The following METAP1 variants were observed in gnomAD, a reference collection of about 807,000 sequenced individuals.
METAP1 encodes methionine aminopeptidase 1.
In METAP1, 28 loss-of-function variants were observed where a neutral mutation model predicts 53.8. The ratio of observed to expected loss-of-function variants is 0.52; its 90% CI spans 0.39 to 0.71. The LOEUF (loss-of-function observed/expected upper bound fraction) is 0.71. Ranked by LOEUF, METAP1 falls within the 30% of genes least tolerant of loss-of-function variation. The pLI, the probability that METAP1 is intolerant of heterozygous loss-of-function variation, is 0.00. For synonymous variants in METAP1, 181 were observed against 165.7 expected (o/e 1.09, Z -0.71); for missense variants, 389 against 479.8 (o/e 0.81, Z 1.77).
At chr4:99,017,273 C>T (rs772373861) in intron 1 of METAP1, among the ~76,000 whole-genome samples, 1 of 152,234 alleles carries the variant, frequency 6.6e-6, no homozygotes, top group Admixed American at 6.5e-5. Flanking sequence ...AATGTATGCG[C>T]TACCCCAAAA....
At chr4:99,031,101 G>GTTTTTTTTT (rs56082818) in intron 2 of METAP1, among the ~76,000 whole-genome samples, 48 of 109,886 alleles carry the variant, frequency 4.4e-4, no homozygotes, top group East Asian at 3.1e-3. Context: ...CTCAAAGGTA[G>GTTTTTTTTT]TTTTTTTTTT....
intron 4 of METAP1, chr4:99,039,068 A>G (rs1204045937): frequency 1.6e-5 from 3 of 193,300 alleles, no homozygotes; most frequent in Non-Finnish European, 3.1e-5. Context: ...TTTCAAATGT[A>G]TATCATTTAC....
chr4:99,007,316 A>T (rs1481221584), intron 1 of METAP1, among the ~76,000 whole-genome samples: 3 of 152,184 alleles, frequency 2.0e-5, no homozygotes, highest in Non-Finnish European at 4.4e-5. Flanking sequence ...TCATCACATC[A>T]GGAGGCACAG....
chr4:99,022,824 C>T (rs1560706159), intron 1 of METAP1: 3 of 1,584,124 alleles, frequency 1.9e-6, no homozygotes, highest in East Asian at 2.3e-5. Context: ...TCTGTGTAGT[C>T]CTTGCTGTGG....
At chr4:99,057,239 T>C (rs1319186532) in intron 9 of METAP1, among the ~76,000 whole-genome samples, 1 of 152,246 alleles carries the variant, frequency 6.6e-6, no homozygotes, top group African/African-American at 2.4e-5. Context: ...CACAACAGCT[T>C]ATGAAACATT....
In METAP1 at chr4:99,043,401, G is replaced by C; in HGVS notation, c.655+14G>C. ...ACATTGTTAATGGTAAGAAAAATAT[G>C]TTACTTTCATCACCATGGGCAAAGA... On this transcript the variant is annotated intron_variant, in intron 7 of 10. Coordinates refer to ENST00000296411, the MANE Select transcript of METAP1 (RefSeq NM_015143.3). 1 of 1,573,542 alleles carries C rather than the reference G, an allele frequency of 6.4e-7. No homozygotes were observed. Among genetic ancestry groups the C allele is most frequent in the South Asian group, 1.2e-5 (1 of 84,912 alleles).
At chr4:99,060,178 A>G (rs113065003) in intron 10 of METAP1, among the ~76,000 whole-genome samples, 225 of 152,170 alleles carry the variant, frequency 1.5e-3, no homozygotes, top group African/African-American at 5.0e-3. Flanking sequence ...AACGTTGTGC[A>G]CCCATTACCA....
chr4:99,020,394 A>T (rs1024300080), intron 1 of METAP1, among the ~76,000 whole-genome samples: 4 of 152,178 alleles, frequency 2.6e-5, no homozygotes, highest in African/African-American at 9.7e-5. Flanking sequence ...AGCGCAGGGA[A>T]AGGGAAAATT....
At chr4:99,005,017 T>A (rs1350448112) in intron 1 of METAP1, among the ~76,000 whole-genome samples, 1 of 152,200 alleles carries the variant, frequency 6.6e-6, no homozygotes, top group East Asian at 1.9e-4. Flanking sequence ...TTTGTAAAAA[T>A]TTCTCTTGGG....
At chr4:99,003,264 T>C (rs1323515521) in intron 1 of METAP1, among the ~76,000 whole-genome samples, 1 of 152,114 alleles carries the variant, frequency 6.6e-6, no homozygotes, top group Non-Finnish European at 1.5e-5. Flanking sequence ...GAGACTTCTC[T>C]GTGTTTTGAA....
intron 1 of METAP1, among the ~76,000 whole-genome samples, chr4:99,004,412 T>A (rs1421889726): frequency 6.7e-6 from 1 of 148,382 alleles, no homozygotes; most frequent in Non-Finnish European, 1.5e-5. Context: ...GCAACAAGGC[T>A]AGGGGAGTTA....
intron 1 of METAP1, among the ~76,000 whole-genome samples, chr4:99,000,959 A>G (rs62323240): frequency 0.022 from 3,333 of 152,128 alleles, 47 homozygotes; most frequent in Non-Finnish European, 0.035. Context: ...CAGCCTCCCA[A>G]AGTGTTGTCT....
intron 5 of METAP1, among the ~76,000 whole-genome samples, chr4:99,040,595 A>G (rs1036645038): frequency 6.7e-6 from 1 of 150,044 alleles, no homozygotes; most frequent in Non-Finnish European, 1.5e-5. Context: ...GGCTCAAGCT[A>G]TCCTTCCACC....
chr4:99,054,381 CCT>C (rs748262328), intron 9 of METAP1, among the ~76,000 whole-genome samples: 17 of 152,188 alleles, frequency 1.1e-4, no homozygotes, highest in Admixed American at 2.0e-4. Context: ...AGCTTTGTCA[CCT>C]CTCTCAGCCT....
At position 99,045,211 on chromosome 4, in the gene METAP1, G is replaced by A; in HGVS notation, c.688G>A (p.Gly230Arg). Reference protein sequence around the residue: ...DITLYRNGYHGDLNETFFVGE... With the variant: ...DITLYRNGYHRDLNETFFVGE... ...CACTCTTTATCGCAATGGTTATCAT[G>A]GGGACCTGAATGAGACATTTTTTGT... Residue 230 changes from glycine (G) to arginine (R), a missense_variant, in exon 8 of 11, where the codon GGG (glycine) becomes AGG (arginine). Physicochemically the swap from Gly to Arg is moderately radical, Grantham distance 125. Transcript: ENST00000296411. The A allele has an allele frequency of 6.2e-7, 1 of 1,613,528 alleles. No homozygotes were observed. The highest frequency in any genetic ancestry group is 8.5e-7 in the Non-Finnish European group (1 of 1,179,592).
chr4:99,033,844 G>C (rs930229209), intron 2 of METAP1, among the ~76,000 whole-genome samples: 3 of 152,144 alleles, frequency 2.0e-5, no homozygotes, highest in African/African-American at 4.8e-5. Context: ...CCTCAGTTGG[G>C]TAGGTTTTAC....
At chr4:98,998,355 T>A (rs1177948216) in intron 1 of METAP1, among the ~76,000 whole-genome samples, 1 of 152,170 alleles carries the variant, frequency 6.6e-6, no homozygotes, top group East Asian at 1.9e-4. Flanking sequence ...AAACCCTGTC[T>A]CTACTAAAAA....
At chr4:99,015,068 C>T (rs745572964) in intron 1 of METAP1, among the ~76,000 whole-genome samples, 16 of 152,170 alleles carry the variant, frequency 1.1e-4, no homozygotes, top group Non-Finnish European at 1.9e-4. Flanking sequence ...CCAAATCCGT[C>T]GCATGTGAAG....
chr4:99,022,079 C>T (rs1724148718), intron 1 of METAP1, among the ~76,000 whole-genome samples: 2 of 152,286 alleles, frequency 1.3e-5, no homozygotes, highest in South Asian at 2.1e-4. Context: ...TCAAAACAAG[C>T]ATATGCAGTA....
Sources: gnomAD v4.1 joint callset for allele counts (sites outside exome capture counted in the v4.1 genomes callset) on GRCh38, gnomAD v4.1.1 for gene constraint, MANE v1.5 for transcripts, NCBI Gene and HGNC (gene_info 2026-07-23, HGNC 2026-07-21) for gene names.